Variants in ADAD2 observed in about 807,000 individuals in gnomAD.
The protein encoded by ADAD2 is adenosine deaminase domain-containing protein 2.
ADAD2 carries 60 observed loss-of-function variants against 54.5 expected under a neutral mutation model. That is an observed-to-expected ratio of 1.10 (90% CI 0.89 to 1.36). The LOEUF (loss-of-function observed/expected upper bound fraction) is 1.36. ADAD2 is among the 40% of genes most tolerant of loss of function. The pLI, the probability that ADAD2 is intolerant of heterozygous loss-of-function variation, is 0.00. For missense variants in ADAD2, 1,103 were observed against 801.3 expected, an observed-to-expected ratio of 1.38 and a Z score of -4.54; for synonymous variants, 543 against 366.2, an observed-to-expected ratio of 1.48 and a Z score of -5.51.
At position 84,191,480 on chromosome 16, in the gene ADAD2, TGGGAAAACTTGGGGGAACAGATG is replaced by T; in HGVS notation, c.256_278del (p.Asn86GlyfsTer70). 1.3e-6 allele frequency: 2 copies of T among 1,537,702 alleles called. No homozygotes were observed. Among genetic ancestry groups the T allele is most frequent in the Non-Finnish European group, 1.7e-6 (2 of 1,143,846 alleles). ...CGGGGAACTGGGGGCAGCCCGGGCG[TGGGAAAACTTGGGGGAACAGATG>T]GGGAAGGCCCCGAGGGTCCCTGTGC... On this transcript the variant is annotated frameshift_variant, in exon 1 of 10. Coordinates refer to ENST00000315906, the MANE Select transcript of ADAD2 (RefSeq NM_001145400.2). LOFTEE classifies it high-confidence loss of function.
rs561233033 is a variant in ADAD2, at chr16:84,195,805, C to T, written c.1053-10C>T. ...CCTGAAGCTGATGTCTGTCCCCACC[C>T]GGCCCGCAGCCTGCCCCCCACCTCG... On this transcript the variant is annotated splice_polypyrimidine_tract_variant and intron_variant, in intron 6 of 9. Transcript: ENST00000315906. 56 of 1,590,340 alleles carry T rather than the reference C, an allele frequency of 3.5e-5. 1 individual carries two copies. The highest frequency in any genetic ancestry group is 2.9e-4 in the East Asian group (13 of 44,494).
In ADAD2 at chr16:84,191,425, G is replaced by C; in HGVS notation, c.195G>C (p.Arg65Ser). 6.6e-7 allele frequency: 1 copy of C among 1,505,306 alleles called. No individual in the cohort carries two copies. Among genetic ancestry groups the C allele is most frequent in the Non-Finnish European group, 8.8e-7 (1 of 1,130,542 alleles). 93.2% of individuals were successfully genotyped at this position (1,505,306 alleles called of 1,614,324 possible). ...GGTGGCCCCAGGTCTCGGTGTTGAG[G>C]GACAGTGGGCCTGGGGCAGGGGCCG... is the stretch of plus-strand genomic sequence containing the variant. ...EGGWPQVSVL[R>S]DSGPGAGAGV... The change falls in exon 1 of 10, where the codon AGG becomes AGC. Residue 65 changes from arginine (R) to serine (S), a missense_variant. By Grantham distance (110) the Arg-to-Ser change is moderately radical (BLOSUM62 -1). Coordinates refer to ENST00000315906, the MANE Select transcript of ADAD2 (RefSeq NM_001145400.2).
At chr16:84,192,248 G>A (rs1028703848) in intron 1 of ADAD2, among the ~76,000 whole-genome samples, 1 of 152,176 alleles carries the variant, frequency 6.6e-6, no homozygotes, top group Non-Finnish European at 1.5e-5. Flanking sequence ...GGGCTCAAGT[G>A]ATACTCCCGC....
At chr16:84,192,578 T>C (rs2089669861) in intron 1 of ADAD2, 1 of 152,568 alleles carries the variant, frequency 6.6e-6, no homozygotes, top group South Asian at 2.1e-4. Context: ...TTCACTCTTG[T>C]GGCCCAGGCT....
chr16:84,191,660 C>T lies in ADAD2; in HGVS notation c.418+12C>T. 1 of 1,554,638 alleles carries T rather than the reference C, an allele frequency of 6.4e-7. No individual in the cohort carries two copies. The highest frequency in any genetic ancestry group is 8.7e-7 in the Non-Finnish European group (1 of 1,150,010). On this transcript the variant is annotated intron_variant, in intron 1 of 9. Coordinates refer to ENST00000315906, the MANE Select transcript of ADAD2 (RefSeq NM_001145400.2). ...GGACCAGCCACCAGGTGAGGCCGGG[C>T]CGGGGCATGGCTGTGCCAGAGGGCA...
At chr16:84,193,488 A>C (rs947203583) in intron 1 of ADAD2, 4 of 153,304 alleles carry the variant, frequency 2.6e-5, no homozygotes, top group Non-Finnish European at 5.8e-5. Context: ...AGTCTTTGGC[A>C]CGCATCTCAC....
Position 84,195,562 on chromosome 16 carries a change from A to C in ADAD2, c.917A>C (p.Gln306Pro). The C allele has an allele frequency of 6.3e-7, 1 of 1,599,428 alleles. No homozygotes were observed. The highest frequency in any genetic ancestry group is 8.5e-7 in the Non-Finnish European group (1 of 1,173,050). The change falls in exon 6 of 10, where the codon CAG becomes CCG. Residue 306 changes from glutamine (Q) to proline (P), a missense_variant. By Grantham distance (76) the Gln-to-Pro change is moderately conservative. Transcript: ENST00000315906. ...TTCCGGCAGCTCCTGCTGGCCACAC[A>C]GGGGGGCCCCAAGGGCAAGGAGCAG... ...FLFRQLLLATQGGPKGKEQSV... is the reference protein window; with the variant it reads ...FLFRQLLLATPGGPKGKEQSV...
chr16:84,196,245 T>G lies in ADAD2; in HGVS notation c.1401T>G (p.Phe467Leu), dbSNP rs769845270. 26 of 1,612,270 alleles carry G rather than the reference T, an allele frequency of 1.6e-5. No homozygotes were observed. The highest frequency in any genetic ancestry group is 1.6e-4 in the Middle Eastern group (1 of 6,084). The part of the protein sequence containing the change: ...PPYVRTALHL[F>L]AGPPVAPSEP... ...ACGTCCGGACCGCCCTGCACCTGTT[T>G]GCAGGGCCCCCGGTGGCCCCTTCCG... The change falls in exon 8 of 10, where the codon TTT (phenylalanine) becomes TTG (leucine). Residue 467 changes from phenylalanine to leucine, a missense_variant. By Grantham distance (22) the Phe-to-Leu change is conservative. Transcript: ENST00000315906.
chr16:84,195,297 G>T lies in ADAD2; in HGVS notation c.735G>T (p.Glu245Asp). ...CCGTCTCTGCCCCCTCCTGCACAGA[G>T]ATCCCGCGTGCCAGGGGCCACGTGA... ...GTVAGVILER[E>D]IPRARGHVKE... The change falls in exon 5 of 10, where the codon GAG becomes GAT. Residue 245 changes from glutamate (E) to aspartate (D), a missense_variant and splice_region_variant. Glu to Asp is a conservative substitution (Grantham distance 45, BLOSUM62 2). Coordinates refer to ENST00000315906, the MANE Select transcript of ADAD2 (RefSeq NM_001145400.2). 1 of 1,611,848 alleles carries T rather than the reference G, an allele frequency of 6.2e-7. No individual in the cohort carries two copies. The highest frequency in any genetic ancestry group is 8.5e-7 in the Non-Finnish European group (1 of 1,179,880).
rs535354059 is a variant in ADAD2 at position 84,195,059 on chromosome 16, C to T, written c.608-10C>T. On this transcript the variant is annotated splice_polypyrimidine_tract_variant and intron_variant, in intron 3 of 9. Transcript: ENST00000315906. ...CCCCCTTCTACCTGCAGTCTCTCGC[C>T]CTGGCGCAGAGAACATCCTGACCCA... 3 of 1,613,050 alleles carry T rather than the reference C, an allele frequency of 1.9e-6. No homozygotes were observed. The highest frequency in any genetic ancestry group is 1.3e-5 in the African/African-American group (1 of 75,078).
intron 1 of ADAD2, chr16:84,193,080 A>T (rs931313535): frequency 6.6e-6 from 1 of 151,942 alleles, no homozygotes; most frequent in African/African-American, 2.4e-5. Flanking sequence ...TCCTGTCCTC[A>T]GCCCCACAAA....
intron 2 of ADAD2, 49 bp downstream of exon 2, chr16:84,194,631 A>C (rs11646787): frequency 0.63 from 995,595 of 1,569,068 alleles, 317,370 homozygotes; most frequent in African/African-American, 0.71. Context: ...GGACAAGAGG[A>C]CTGAGGCTGG....
intron 1 of ADAD2, 91 bp from the exon 2 acceptor site, chr16:84,194,351 C>A: frequency 1.3e-6 from 2 of 1,548,520 alleles, no homozygotes; most frequent in Non-Finnish European, 8.7e-7. Flanking sequence ...TTCTGACCGT[C>A]CTCGATATCA....
chr16:84,195,594 C>T lies in ADAD2; in HGVS notation c.949C>T (p.Leu317=), dbSNP rs377399416. The T allele has an allele frequency of 8.2e-5, 131 of 1,604,510 alleles. No individual in the cohort carries two copies. The African/African-American group carries it at 1.6e-3, about 20-fold the overall frequency. Residue 317 remains leucine (L), a synonymous_variant, in exon 6 of 10, where the codon CTG becomes TTG. Transcript: ENST00000315906. ...CCCCAAGGGCAAGGAGCAGTCCGTGCTGGCCCCCCAGCCAGGGCCCGGACC... is the reference window on the plus strand; with the variant it reads ...CCCCAAGGGCAAGGAGCAGTCCGTGTTGGCCCCCCAGCCAGGGCCCGGACC... ...GGPKGKEQSV[L]APQPGPGPPF...
At position 84,196,422 on chromosome 16, in the gene ADAD2, G is replaced by A. The variant is rs763580433; in HGVS notation, c.1526+52G>A. The A allele has an allele frequency of 3.2e-6, 5 of 1,574,130 alleles. No homozygotes were observed. In the South Asian group the frequency reaches 3.6e-5, roughly 11 times the overall value. Reference sequence around the variant, plus strand: ...TGTGGAGCAGTGCTGGTGATGGAGGGCTCATGCATGAGCTTCCTCACCTCA... The same window carrying A: ...TGTGGAGCAGTGCTGGTGATGGAGGACTCATGCATGAGCTTCCTCACCTCA... On this transcript the variant is annotated intron_variant, in intron 8 of 9. Transcript: ENST00000315906.
In ADAD2 at chr16:84,196,781, C is replaced by T. The variant is rs755817788; in HGVS notation, c.1647+14C>T. On this transcript the variant is annotated intron_variant, in intron 9 of 9. Transcript: ENST00000315906. ...GAGGCTGCCAAGGTTGGTTCCCCACCCTCCCCCCGTCCCGGTCCCTCTCCA... is the reference window on the plus strand; with the variant it reads ...GAGGCTGCCAAGGTTGGTTCCCCACTCTCCCCCCGTCCCGGTCCCTCTCCA... 6.2e-7 allele frequency: 1 copy of T among 1,603,986 alleles called. No individual in the cohort carries two copies. Among genetic ancestry groups the T allele is most frequent in the Non-Finnish European group, 8.5e-7 (1 of 1,173,234 alleles).
At chr16:84,191,924 C>T (rs1328186384) in intron 1 of ADAD2, 12 of 571,074 alleles carry the variant, frequency 2.1e-5, no homozygotes, top group East Asian at 1.2e-4. Flanking sequence ...GGTTAAGGCC[C>T]CCTGGTATTT....
rs1041238487 is a variant in ADAD2 at position 84,196,674 on chromosome 16, C to G, written c.1554C>G (p.Leu518=). 3.1e-6 allele frequency: 5 copies of G among 1,613,610 alleles called. No individual in the cohort carries two copies. The highest frequency in any genetic ancestry group is 1.7e-4 in the Middle Eastern group (1 of 6,060). ...CCGCCCTGGGGCCTCCCTCCCGTCT[C>G]TGCAAGGCCTCCTTTCTCCGGGCCT... The part of the protein sequence containing the change: ...ANAALGPPSR[L]CKASFLRAFH... The change falls in exon 9 of 10, where the codon CTC becomes CTG. Residue 518 remains leucine (L), a synonymous_variant. Transcript: ENST00000315906.
chr16:84,191,258 G>T lies in ADAD2; in HGVS notation c.28G>T (p.Asp10Tyr), dbSNP rs370210134. The T allele has an allele frequency of 1.2e-6, 2 of 1,606,622 alleles. No homozygotes were observed. The highest frequency in any genetic ancestry group is 1.7e-6 in the Non-Finnish European group (2 of 1,177,124). The change falls in exon 1 of 10, where the codon GAC becomes TAC. Residue 10 changes from aspartate to tyrosine, a missense_variant. Coordinates refer to ENST00000315906, the MANE Select transcript of ADAD2 (RefSeq NM_001145400.2). ...GGCTTCGGCTTCTCAGGGCGCTGAC[G>T]ACGACGGCAGTCGTAGGAAGCCCCG... The part of the protein sequence containing the change: MASASQGAD[D>Y]DGSRRKPRLA...
Sources: allele counts gnomAD v4.1 joint callset (sites outside exome capture counted in the v4.1 genomes callset), GRCh38; gene constraint gnomAD v4.1.1; transcripts MANE v1.5; gene names NCBI Gene and HGNC (gene_info 2026-07-23, HGNC 2026-07-21).